PLIN5: variants seen among roughly 807,000 people sequenced by gnomAD.
PLIN5 encodes perilipin 5.
A neutral mutation model predicts 32.8 loss-of-function variants in PLIN5; 34 were observed. The observed-to-expected ratio is 1.04, with a 90% confidence interval of 0.79 to 1.38. PLIN5 has a LOEUF of 1.38. PLIN5 is among the 40% of genes most tolerant of loss of function. The pLI, the probability that PLIN5 is intolerant of heterozygous loss-of-function variation, is 0.00. For missense variants in PLIN5, 712 were observed against 660.5 expected, an observed-to-expected ratio of 1.08 and a Z score of -0.85; for synonymous variants, 309 against 292.9, an observed-to-expected ratio of 1.05 and a Z score of -0.56.
At chr19:4,531,379 G>C (rs1568245935) in intron 3 of PLIN5, among the ~76,000 whole-genome samples, 1 of 152,052 alleles carries the variant, frequency 6.6e-6, no homozygotes. Context: ...CTGGCCTCAA[G>C]TGATCCTCCT....
chr19:4,529,610 TACAC>T (rs56850019), intron 4 of PLIN5, 170 bp downstream of exon 4: 420 of 432,344 alleles, frequency 9.7e-4, no homozygotes, highest in Middle Eastern at 2.3e-3. Context: ...CATATATGTA[TACAC>T]ACACACACAC....
Position 4,534,099 on chromosome 19 carries a change from C to T in PLIN5, c.-21-4G>A, listed in dbSNP as rs747324921. 2.0e-5 allele frequency: 32 copies of T among 1,605,418 alleles called. No individual in the cohort carries two copies. The highest frequency in any genetic ancestry group is 9.4e-5 in the African/African-American group (7 of 74,662). ...TCGTGCTGCAAACAGGGTCACCCTG[C>T]GGGGCAGGATTGAGTAAGGGGAGCA... On this transcript the variant is annotated splice_polypyrimidine_tract_variant and splice_region_variant and intron_variant, in intron 1 of 7. Coordinates refer to ENST00000381848, the MANE Select transcript of PLIN5 (RefSeq NM_001013706.3).
chr19:4,528,792 A>T (rs1976840376), intron 5 of PLIN5: 2 of 343,674 alleles, frequency 5.8e-6, no homozygotes, highest in Non-Finnish European at 1.0e-5. Flanking sequence ...GAATGAAAAT[A>T]TTTAAAACAC....
rs1976782845 is a variant in PLIN5 at position 4,525,027 on chromosome 19, C to T, written c.770G>A (p.Gly257Glu). 6.8e-7 allele frequency: 1 copy of T among 1,477,680 alleles called. No homozygotes were observed. The highest frequency in any genetic ancestry group is 2.8e-5 in the East Asian group (1 of 36,254). 91.5% of individuals were successfully genotyped at this position (1,477,680 alleles called of 1,614,324 possible). Residue 257 changes from glycine (G) to glutamate (E), a missense_variant, in exon 7 of 8, where the codon GGG (glycine) becomes GAG (glutamate). Transcript: ENST00000381848. This position sits in a 1 kb window ranked among gnomAD's most constrained non-coding sequence, Gnocchi z 5.6. ...TTCCCCCCACAGCTCGTGCACCTTC[C>T]CAGGGCAGGCCGGGGCGGTGGGGGT... Reference protein sequence around the residue: ...GVTPTAPACPGKVHELWGEWG... With the variant: ...GVTPTAPACPEKVHELWGEWG...
intron 5 of PLIN5, among the ~76,000 whole-genome samples, chr19:4,527,846 C>CA (rs1457001832): frequency 4.0e-4 from 57 of 142,908 alleles, no homozygotes; most frequent in East Asian, 1.8e-3. Context: ...GATTCTGTCT[C>CA]AAAAAAAAAG....
intron 5 of PLIN5, among the ~76,000 whole-genome samples, chr19:4,527,946 G>A (rs986253271): frequency 3.3e-5 from 5 of 149,516 alleles, no homozygotes; most frequent in Non-Finnish European, 7.4e-5. Flanking sequence ...GTCTCGCTCT[G>A]TCACCCAGGC....
At chr19:4,530,552 A>C (rs1459921953) in intron 3 of PLIN5, among the ~76,000 whole-genome samples, 1 of 152,062 alleles carries the variant, frequency 6.6e-6, no homozygotes, top group Admixed American at 6.6e-5. Flanking sequence ...GGGCCTGGAG[A>C]GACAAATGGA....
intron 2 of PLIN5, 124 bp from the exon 3 acceptor site, chr19:4,531,946 C>A (rs1380729564): frequency 3.1e-6 from 3 of 972,566 alleles, no homozygotes; most frequent in South Asian, 2.1e-5. Context: ...GTACTGAGCA[C>A]CCCGCCACGT....
rs572682599 is a variant in PLIN5, at chr19:4,531,729, G to A, written c.154C>T (p.Leu52=). ...VYSAAKDRHP[L]LGSACRLAEN... The stretch of plus-strand genomic sequence containing the variant: ...GCCAGGCGGCAGGCGGAGCCCAGCA[G>A]CGGGTGCCTGTCCTTGGCTGCACTG... Residue 52 remains leucine, a synonymous_variant, in exon 3 of 8, where the codon CTG becomes TTG. Coordinates refer to ENST00000381848, the MANE Select transcript of PLIN5 (RefSeq NM_001013706.3). 254 of 1,595,472 alleles carry A rather than the reference G, an allele frequency of 1.6e-4. No individual in the cohort carries two copies. In the South Asian group the frequency reaches 2.8e-3, roughly 17 times the overall value.
At chr19:4,531,958 G>A (rs1052351943) in intron 2 of PLIN5, 136 bp from the exon 3 acceptor site, 2 of 861,224 alleles carry the variant, frequency 2.3e-6, no homozygotes, top group South Asian at 2.2e-5. Context: ...CCGCCACGTA[G>A]AGGCAGTGAA....
chr19:4,529,507 T>C, intron 4 of PLIN5: 1 of 535,496 alleles, frequency 1.9e-6, no homozygotes, highest in South Asian at 2.8e-5. Flanking sequence ...TATACATATA[T>C]ACATGTATAT....
intron 4 of PLIN5, 49 bp from the exon 5 acceptor site, chr19:4,529,302 A>C: frequency 1.3e-6 from 2 of 1,530,534 alleles, no homozygotes; most frequent in Non-Finnish European, 1.8e-6. Context: ...CTCCAGCTCC[A>C]TTTCTGCCAC....
chr19:4,533,802 G>A, intron 2 of PLIN5: 1 of 602,808 alleles, frequency 1.7e-6, no homozygotes. Flanking sequence ...ACAGAAGCCA[G>A]CTGGGTGTCT....
rs866729885 is a variant in PLIN5, at chr19:4,529,610, T to C, written c.339+174A>G. 2.2e-4 allele frequency: 97 copies of C among 432,480 alleles called. 2 individuals carry two copies. The highest frequency in any genetic ancestry group is 6.0e-4 in the African/African-American group (29 of 48,066). The allele number at this position is 432,480 out of a possible 1,614,324, so 26.8% of individuals were successfully genotyped here. Reference sequence around the variant, plus strand: ...CACTATACGTATATACATATATGTATACACACACACACACACACACACACA... The same window carrying C: ...CACTATACGTATATACATATATGTACACACACACACACACACACACACACA... On this transcript the variant is annotated intron_variant, in intron 4 of 7. Transcript: ENST00000381848.
chr19:4,524,817 C>G lies in PLIN5; in HGVS notation c.834+146G>C, dbSNP rs532029198. On this transcript the variant is annotated intron_variant, in intron 7 of 7. Coordinates refer to ENST00000381848, the MANE Select transcript of PLIN5 (RefSeq NM_001013706.3). ...TGCCTCAGTTTCCCCCCCCAGACAC[C>G]TCAACTAGCTGAGCTCAGCACTTGG... 1.1e-3 allele frequency: 551 copies of G among 515,918 alleles called. 2 individuals carry two copies. Among genetic ancestry groups the G allele is most frequent in the South Asian group, 2.4e-3 (61 of 25,214 alleles). The allele number at this position is 515,918 out of a possible 1,614,324, so 32.0% of individuals were successfully genotyped here. A position where few individuals can be genotyped will look rare whatever the true frequency, so the allele number is the denominator to read the frequency against.
intron 7 of PLIN5, 109 bp downstream of exon 7, chr19:4,524,854 T>G: frequency 1.1e-6 from 1 of 902,470 alleles, no homozygotes. Context: ...TTGAGATAGC[T>G]TGAGTTGGGT....
chr19:4,531,897 T>C (rs1228789940), intron 2 of PLIN5, 75 bp from the exon 3 acceptor site: 1 of 1,393,424 alleles, frequency 7.2e-7, no homozygotes. Context: ...ACTTCCCCTC[T>C]CTGGGCCAGG....
chr19:4,529,113 C>A lies in PLIN5; in HGVS notation c.480G>T (p.Glu160Asp). Residue 160 changes from glutamate to aspartate, a missense_variant, in exon 5 of 8, where the codon GAG (glutamate) becomes GAT (aspartate). By Grantham distance (45) the Glu-to-Asp change is conservative (BLOSUM62 2). Coordinates refer to ENST00000381848, the MANE Select transcript of PLIN5 (RefSeq NM_001013706.3). ...TCATGGGCAGGAAGTGATCCACCAG[C>A]TCCTCTGATTTTTCCAGTACAACAT... ...AVDVVLEKSEELVDHFLPMTE... is the reference protein window; with the variant it reads ...AVDVVLEKSEDLVDHFLPMTE... The A allele has an allele frequency of 6.2e-7, 1 of 1,613,456 alleles. No homozygotes were observed. Among genetic ancestry groups the A allele is most frequent in the Non-Finnish European group, 8.5e-7 (1 of 1,179,988 alleles).
Position 4,525,632 on chromosome 19 carries a change from C to T in PLIN5, c.720+1G>A, listed in dbSNP as rs771258794. On this transcript the variant is annotated splice_donor_variant, in intron 6 of 7. Coordinates refer to ENST00000381848, the MANE Select transcript of PLIN5 (RefSeq NM_001013706.3). LOFTEE classifies it high-confidence loss of function. This position sits in a 1 kb window ranked among gnomAD's most constrained non-coding sequence, Gnocchi z 5.6. ...AGCAGGGGCGGGCAGCGGGCTCTCA[C>T]CAGCTCCAGCGTCTCCTGCAGCTGG... 5.0e-6 allele frequency: 8 copies of T among 1,612,622 alleles called. No individual in the cohort carries two copies. The highest frequency in any genetic ancestry group is 2.2e-5 in the South Asian group (2 of 91,086).
Sources: gnomAD v4.1 joint callset for allele counts (sites outside exome capture counted in the v4.1 genomes callset) on GRCh38, gnomAD v4.1.1 for gene constraint, Gnocchi (gnomAD v3.1) non-coding constraint, MANE v1.5 for transcripts, NCBI Gene and HGNC (gene_info 2026-07-23, HGNC 2026-07-21) for gene names.